Variants in KLHL7 observed in about 807,000 individuals in gnomAD.
KLHL7 encodes kelch-like protein 7.
In KLHL7, 44 loss-of-function variants were observed where a neutral mutation model predicts 67.4. That is an observed-to-expected ratio of 0.65 (90% CI 0.51 to 0.84). The LOEUF (loss-of-function observed/expected upper bound fraction) is 0.84, where lower values mean the gene tolerates loss of function less well. Ranked by LOEUF, KLHL7 falls within the 40% of genes least tolerant of loss-of-function variation. The probability of loss-of-function intolerance (pLI) is 0.00; values close to 1 mark genes in which losing one functional copy is unlikely to be tolerated. For synonymous variants in KLHL7, 252 were observed against 243.3 expected (o/e 1.04, Z -0.33); for missense variants, 362 against 718.1 (o/e 0.50, Z 5.67).
intron 2 of KLHL7, among the ~76,000 whole-genome samples, chr7:23,124,362 A>G (rs1205356260): frequency 6.6e-6 from 1 of 152,058 alleles, no homozygotes; most frequent in African/African-American, 2.4e-5. Flanking sequence ...TTTGGTGTTC[A>G]GAACTGGGTC....
chr7:23,166,034 A>C, intron 8 of KLHL7, 96 bp downstream of exon 8: 2 of 1,365,278 alleles, frequency 1.5e-6, no homozygotes, highest in Admixed American at 1.7e-5. Context: ...TTATTTGTCC[A>C]GATACTTTCT....
At chr7:23,159,098 T>A (rs1013302281) in intron 7 of KLHL7, among the ~76,000 whole-genome samples, 4 of 152,040 alleles carry the variant, frequency 2.6e-5, no homozygotes, top group South Asian at 2.1e-4. Context: ...CTGCACTTTT[T>A]AAAAAAAAGG....
At chr7:23,106,210 C>G (rs1438147937) in intron 1 of KLHL7, 64 bp downstream of exon 1, 5 of 1,581,574 alleles carry the variant, frequency 3.2e-6, no homozygotes, top group Non-Finnish European at 4.3e-6. Context: ...GCCCCTGGTT[C>G]CCGGGGTGGA....
rs370113307 is a variant in KLHL7 at position 23,177,890 on chromosome 7, G to A, written c.*3592G>A. ...ATTGCTAACAAAATCAAAATCAGCC[G>A]TTTAATAAACAATTATTCCACCAAG... On this transcript the variant is annotated 3_prime_UTR_variant, in exon 11 of 11. Transcript: ENST00000339077. The A allele has an allele frequency of 4.6e-5, 7 of 152,036 alleles. No individual in the cohort carries two copies. The highest frequency in any genetic ancestry group is 8.8e-5 in the Non-Finnish European group (6 of 67,994). 9.4% of individuals were successfully genotyped at this position (152,036 alleles called of 1,614,324 possible). A position where few individuals can be genotyped will look rare whatever the true frequency, so the allele number is the denominator to read the frequency against.
At chr7:23,157,178 G>C (rs1445294010) in intron 7 of KLHL7, among the ~76,000 whole-genome samples, 6 of 152,200 alleles carry the variant, frequency 3.9e-5, no homozygotes, top group Non-Finnish European at 5.9e-5. Context: ...AAAAAATTGA[G>C]AGTTTTATAG....
chr7:23,138,525 A>G (rs1784066433), intron 4 of KLHL7, among the ~76,000 whole-genome samples: 2 of 149,328 alleles, frequency 1.3e-5, no homozygotes, highest in Admixed American at 1.4e-4. Flanking sequence ...AGAAACAATC[A>G]AAAAAGTAAA....
chr7:23,159,711 T>C (rs759853878), intron 7 of KLHL7, among the ~76,000 whole-genome samples: 2 of 152,042 alleles, frequency 1.3e-5, no homozygotes, highest in Non-Finnish European at 2.9e-5. Flanking sequence ...TTAGATTTTT[T>C]GTAGAGACAG....
chr7:23,112,553 C>A (rs529853473), intron 1 of KLHL7, among the ~76,000 whole-genome samples: 1 of 152,078 alleles, frequency 6.6e-6, no homozygotes, highest in Non-Finnish European at 1.5e-5. Context: ...ATGAGAGTTT[C>A]GAAAATTGGG....
intron 4 of KLHL7, among the ~76,000 whole-genome samples, chr7:23,130,224 G>A (rs1783749656): frequency 6.6e-6 from 1 of 152,052 alleles, no homozygotes; most frequent in Non-Finnish European, 1.5e-5. Flanking sequence ...TTTTTTTCTG[G>A]AAAAGTTTTT....
chr7:23,137,134 A>G (rs1414515448), intron 4 of KLHL7, among the ~76,000 whole-genome samples: 2 of 152,132 alleles, frequency 1.3e-5, no homozygotes, highest in Non-Finnish European at 2.9e-5. Flanking sequence ...AAAATACAAA[A>G]ATTAGCCAGG....
intron 4 of KLHL7, chr7:23,129,677 T>A (rs528151816): frequency 1.3e-4 from 21 of 162,702 alleles, no homozygotes; most frequent in South Asian, 1.7e-4. Context: ...GACACAGTTA[T>A]CAAGAGACTG....
In KLHL7 at chr7:23,145,751, A is replaced by C. The variant is rs139780986; in HGVS notation, c.793+1726A>C. ...ATTTGTATTTGTTTTATTTTACTTT[A>C]TTTTTTTGAGACAGAGTCTCCCAGG... On this transcript the variant is annotated intron_variant, in intron 6 of 10. Transcript: ENST00000339077. Among the ~76,000 whole-genome samples the C allele has an allele frequency of 2.4e-3, 361 of 152,168 alleles. 2 individuals carry two copies. The highest frequency in any genetic ancestry group is 3.6e-3 in the Non-Finnish European group (246 of 67,988).
chr7:23,134,864 T>G (rs1051903058), intron 4 of KLHL7, among the ~76,000 whole-genome samples: 3 of 152,166 alleles, frequency 2.0e-5, no homozygotes, highest in African/African-American at 7.2e-5. Context: ...TACCTAAAGG[T>G]TTGTCCATTT....
intron 9 of KLHL7, among the ~76,000 whole-genome samples, chr7:23,170,737 C>T (rs1299554001): frequency 6.6e-6 from 1 of 152,046 alleles, no homozygotes; most frequent in African/African-American, 2.4e-5. Context: ...GTCAAAATAT[C>T]ACAGGTACCA....
chr7:23,170,557 C>G (rs858266), intron 9 of KLHL7, among the ~76,000 whole-genome samples: 9,603 of 152,188 alleles, frequency 0.063, 464 homozygotes, highest in African/African-American at 0.13. Flanking sequence ...TTCAAAATAG[C>G]TAGAGAAGAA....
chr7:23,161,979 T>C (rs1160716673), intron 7 of KLHL7, among the ~76,000 whole-genome samples: 1 of 152,188 alleles, frequency 6.6e-6, no homozygotes, highest in Non-Finnish European at 1.5e-5. Context: ...GATACGGAGA[T>C]TGTGCAGGAC....
chr7:23,162,333 A>C (rs1331517748), intron 7 of KLHL7, among the ~76,000 whole-genome samples: 1 of 152,248 alleles, frequency 6.6e-6, no homozygotes, highest in East Asian at 1.9e-4. Flanking sequence ...AGGAAATTAA[A>C]TAAGATGATG....
At chr7:23,141,865 T>C (rs552142501) in intron 5 of KLHL7, among the ~76,000 whole-genome samples, 16 of 152,182 alleles carry the variant, frequency 1.1e-4, no homozygotes, top group Admixed American at 3.9e-4. Context: ...CCTTGTGATC[T>C]GCCCGCCTTG....
intron 7 of KLHL7, among the ~76,000 whole-genome samples, chr7:23,155,049 T>C (rs1784657390): frequency 6.6e-6 from 1 of 152,236 alleles, no homozygotes; most frequent in Non-Finnish European, 1.5e-5. Context: ...GTTAGATTTG[T>C]TAATCACCAT....
Sources: allele counts gnomAD v4.1 joint callset (sites outside exome capture counted in the v4.1 genomes callset), GRCh38; gene constraint gnomAD v4.1.1; transcripts MANE v1.5; gene names NCBI Gene and HGNC (gene_info 2026-07-23, HGNC 2026-07-21).